Variants in NALCN observed in about 807,000 individuals in gnomAD.
NALCN encodes sodium leak channel, non-selective.
A neutral mutation model predicts 225.3 loss-of-function variants in NALCN; 111 were observed. The ratio of observed to expected loss-of-function variants is 0.49; its 90% CI spans 0.42 to 0.58. The LOEUF is 0.58. Among genes scored for constraint, NALCN ranks in the 20% least tolerant of loss-of-function variants. NALCN has a pLI of 0.00. For missense variants in NALCN, 1,378 were observed against 2,202.4 expected (o/e 0.63, Z 7.49); for synonymous variants, 764 against 769.0 (o/e 0.99, Z 0.11).
chr13:101,144,727 G>T (rs770163694), intron 16 of NALCN, 33 bp downstream of exon 16: 1 of 1,591,394 alleles, frequency 6.3e-7, no homozygotes, highest in Admixed American at 1.8e-5. Context: ...TACAATATAT[G>T]TGAAATATGC....
intron 18 of NALCN, among the ~76,000 whole-genome samples, chr13:101,114,572 C>T (rs1374306373): frequency 6.6e-6 from 1 of 152,076 alleles, no homozygotes; most frequent in African/African-American, 2.4e-5. Context: ...GAACTGAGGC[C>T]TTCATATCAC....
At chr13:101,383,676 C>A (rs1291311156) in intron 3 of NALCN, among the ~76,000 whole-genome samples, 1 of 152,198 alleles carries the variant, frequency 6.6e-6, no homozygotes, top group Non-Finnish European at 1.5e-5. Flanking sequence ...ATCCATCCAT[C>A]TATTCACTGA....
intron 1 of NALCN, among the ~76,000 whole-genome samples, chr13:101,407,386 A>C (rs1049430752): frequency 6.6e-6 from 1 of 152,224 alleles, no homozygotes; most frequent in Non-Finnish European, 1.5e-5. Flanking sequence ...GATGATATCC[A>C]AAGTGACTTC....
intron 7 of NALCN, among the ~76,000 whole-genome samples, chr13:101,312,516 C>G (rs1487622536): frequency 6.6e-6 from 1 of 151,702 alleles, no homozygotes; most frequent in Non-Finnish European, 1.5e-5. Context: ...AAATTTCCCT[C>G]TACACACTGC....
intron 13 of NALCN, among the ~76,000 whole-genome samples, chr13:101,202,442 G>T (rs2040158634): frequency 6.6e-6 from 1 of 150,722 alleles, no homozygotes; most frequent in Non-Finnish European, 1.5e-5. Flanking sequence ...TTTGGAATTT[G>T]GAGTATAAAT....
At chr13:101,372,363 T>C (rs1286747124) in intron 6 of NALCN, among the ~76,000 whole-genome samples, 4 of 152,154 alleles carry the variant, frequency 2.6e-5, no homozygotes, top group Admixed American at 6.5e-5. Flanking sequence ...GTGACATTTA[T>C]AGATATTATA....
chr13:101,158,264 C>T (rs1239876317), intron 15 of NALCN, among the ~76,000 whole-genome samples: 1 of 152,210 alleles, frequency 6.6e-6, no homozygotes, highest in Non-Finnish European at 1.5e-5. Context: ...GAGTTTTACT[C>T]TGGTCTTCCG....
intron 6 of NALCN, among the ~76,000 whole-genome samples, chr13:101,353,933 T>C (rs966659363): frequency 1.3e-5 from 2 of 152,198 alleles, no homozygotes; most frequent in African/African-American, 4.8e-5. Flanking sequence ...TTCCCCAAGT[T>C]GACTCCCTCA....
chr13:101,134,655 G>A (rs1431120627), intron 17 of NALCN, among the ~76,000 whole-genome samples: 2 of 152,084 alleles, frequency 1.3e-5, no homozygotes, highest in African/African-American at 2.4e-5. Context: ...CAACTAACTT[G>A]ATATATAGGA....
intron 16 of NALCN, among the ~76,000 whole-genome samples, chr13:101,143,819 T>G (rs2139791281): frequency 6.6e-6 from 1 of 152,302 alleles, no homozygotes; most frequent in South Asian, 2.1e-4. Flanking sequence ...CTCTAAGACT[T>G]GGAAGAATTA....
At chr13:101,261,040 T>C (rs922589180) in intron 10 of NALCN, among the ~76,000 whole-genome samples, 1 of 152,208 alleles carries the variant, frequency 6.6e-6, no homozygotes, top group African/African-American at 2.4e-5. Flanking sequence ...CATTTTGATG[T>C]GATTTTTGTA....
At chr13:101,107,830 T>C (rs1193898990) in intron 20 of NALCN, 41 bp from the exon 21 acceptor site, 41 of 1,538,598 alleles carry the variant, frequency 2.7e-5, no homozygotes, top group Non-Finnish European at 3.4e-5. Flanking sequence ...AACAGGAGGG[T>C]TTTGAATGCA....
At chr13:101,120,580 G>T (rs1024051709) in intron 18 of NALCN, among the ~76,000 whole-genome samples, 1 of 150,582 alleles carries the variant, frequency 6.6e-6, no homozygotes, top group Non-Finnish European at 1.5e-5. Context: ...GGTAATACAT[G>T]TGTCTGGTTA....
intron 15 of NALCN, among the ~76,000 whole-genome samples, chr13:101,170,907 C>T (rs1415739565): frequency 1.3e-5 from 2 of 152,098 alleles, no homozygotes; most frequent in East Asian, 1.9e-4. Context: ...TAAAAGAAAA[C>T]CCTTTATATC....
intron 12 of NALCN, among the ~76,000 whole-genome samples, chr13:101,230,445 G>A (rs923637596): frequency 6.6e-6 from 1 of 152,096 alleles, no homozygotes; most frequent in African/African-American, 2.4e-5. Flanking sequence ...TGGTTGCCTG[G>A]GGCTATAGCC....
intron 10 of NALCN, among the ~76,000 whole-genome samples, chr13:101,259,526 G>C (rs561768338): frequency 1.3e-4 from 19 of 151,406 alleles, no homozygotes; most frequent in Non-Finnish European, 2.4e-4. Flanking sequence ...AGTAGAGACA[G>C]GGTTTCACCA....
intron 7 of NALCN, among the ~76,000 whole-genome samples, chr13:101,334,349 A>C (rs913221432): frequency 5.2e-5 from 5 of 96,120 alleles, no homozygotes; most frequent in African/African-American, 1.1e-4. Context: ...CAGGTGAGTC[A>C]CAGGAGATGG....
At chr13:101,327,094 T>A (rs2139217630) in intron 7 of NALCN, among the ~76,000 whole-genome samples, 1 of 152,220 alleles carries the variant, frequency 6.6e-6, no homozygotes, top group African/African-American at 2.4e-5. Flanking sequence ...ATTCCACTTC[T>A]TGGTGGAAGG....
intron 6 of NALCN, among the ~76,000 whole-genome samples, chr13:101,369,546 A>AT (rs2046479921): frequency 6.6e-6 from 1 of 152,214 alleles, no homozygotes; most frequent in Non-Finnish European, 1.5e-5. Flanking sequence ...GTTTGCCAGC[A>AT]TAATGCCTGA....
Sources: allele counts gnomAD v4.1 joint callset (sites outside exome capture counted in the v4.1 genomes callset), GRCh38; gene constraint gnomAD v4.1.1; transcripts MANE v1.5; gene names NCBI Gene and HGNC (gene_info 2026-07-23, HGNC 2026-07-21).